ADAMTSL1: variants seen among roughly 807,000 people sequenced by gnomAD.
ADAMTSL1 encodes the protein ADAMTS like 1, also known as ADAMTS-like protein 1.
ADAMTSL1 carries 126 observed loss-of-function variants against 201.8 expected under a neutral mutation model. That is an observed-to-expected ratio of 0.62 (90% CI 0.54 to 0.72). The LOEUF (loss-of-function observed/expected upper bound fraction) is 0.72. Ranked by LOEUF, ADAMTSL1 falls within the 30% of genes least tolerant of loss-of-function variation. The pLI, the probability that ADAMTSL1 is intolerant of heterozygous loss-of-function variation, is 0.00. For missense variants in ADAMTSL1, 2,679 were observed against 2,277.8 expected, an observed-to-expected ratio of 1.18 and a Z score of -3.59; for synonymous variants, 1,121 against 903.4, an observed-to-expected ratio of 1.24 and a Z score of -4.32.
At chr9:18,388,258 T>C (rs1837886278) in intron 2 of ADAMTSL1, among the ~76,000 whole-genome samples, 2 of 152,042 alleles carry the variant, frequency 1.3e-5, no homozygotes, top group Admixed American at 6.6e-5. Flanking sequence ...TATCTATTTA[T>C]ACTTAATTTT....
chr9:17,998,665 T>G (rs1819485683), intron 1 of ADAMTSL1, among the ~76,000 whole-genome samples: 1 of 151,992 alleles, frequency 6.6e-6, no homozygotes, highest in Admixed American at 6.6e-5. Flanking sequence ...GAAGTAGTAA[T>G]GAGGGGGAAA....
At chr9:18,236,954 A>G (rs1168834198) in intron 2 of ADAMTSL1, among the ~76,000 whole-genome samples, 2 of 152,184 alleles carry the variant, frequency 1.3e-5, no homozygotes, top group Non-Finnish European at 2.9e-5. Flanking sequence ...AAATTTTCAT[A>G]TTTTATATCA....
At chr9:18,195,158 G>A (rs770937666) in intron 2 of ADAMTSL1, among the ~76,000 whole-genome samples, 116 of 152,208 alleles carry the variant, frequency 7.6e-4, no homozygotes, top group Middle Eastern at 3.4e-3. Flanking sequence ...GGAATGAGGG[G>A]TCACAGCCAC....
intron 2 of ADAMTSL1, among the ~76,000 whole-genome samples, chr9:18,201,235 G>C (rs925433273): frequency 1.1e-4 from 16 of 152,074 alleles, no homozygotes; most frequent in African/African-American, 3.6e-4. Context: ...CATTGACTTT[G>C]TTAAGGAAAT....
Position 18,265,420 on chromosome 9 carries a change from C to T in ADAMTSL1, c.207+101439C>T, listed in dbSNP as rs1832083074. 2.0e-5 allele frequency among the ~76,000 whole-genome samples: 3 copies of T among 152,130 alleles called. No homozygotes were observed. In the South Asian group the frequency reaches 6.2e-4, roughly 32 times the overall value. On this transcript the variant is annotated intron_variant, in intron 2 of 29. Transcript: ENST00000680146. Reference sequence around the variant, plus strand: ...TCTGCTCTTGAATACTTATTACTAGCCTGGTATTTATTATACTTAATAGAA... The same window carrying T: ...TCTGCTCTTGAATACTTATTACTAGTCTGGTATTTATTATACTTAATAGAA...
At chr9:18,867,080 A>G (rs367788984) in intron 23 of ADAMTSL1, among the ~76,000 whole-genome samples, 10 of 152,338 alleles carry the variant, frequency 6.6e-5, no homozygotes, top group Admixed American at 5.9e-4. Context: ...AAAAATCTCT[A>G]TTCCAAGAAA....
chr9:18,697,179 G>A (rs1212431706), intron 13 of ADAMTSL1, among the ~76,000 whole-genome samples: 1 of 152,018 alleles, frequency 6.6e-6, no homozygotes, highest in Non-Finnish European at 1.5e-5. Context: ...ACCGTGCCTG[G>A]CCAAAAATTT....
chr9:18,777,068 T>C lies in ADAMTSL1; in HGVS notation c.2839T>C (p.Cys947Arg). 1.2e-6 allele frequency: 2 copies of C among 1,613,318 alleles called. No individual in the cohort carries two copies. Among genetic ancestry groups the C allele is most frequent in the Non-Finnish European group, 1.7e-6 (2 of 1,179,774 alleles). Reference protein sequence around the residue: ...LKPSDAGVYTCSAGPAREHFV... With the variant: ...LKPSDAGVYTRSAGPAREHFV... Reference sequence around the variant, plus strand: ...GCCCTCGGATGCAGGCGTCTACACCTGCTCAGCGGGCCCGGCCCGGGAGCA... The same window carrying C: ...GCCCTCGGATGCAGGCGTCTACACCCGCTCAGCGGGCCCGGCCCGGGAGCA... Residue 947 changes from cysteine (C) to arginine (R), a missense_variant, in exon 19 of 29, where the codon TGC becomes CGC. Coordinates refer to ENST00000380548, the MANE Select transcript of ADAMTSL1 (RefSeq NM_001040272.6).
intron 2 of ADAMTSL1, among the ~76,000 whole-genome samples, chr9:18,356,012 C>G (rs890311813): frequency 1.3e-5 from 2 of 152,234 alleles, no homozygotes; most frequent in African/African-American, 2.4e-5. Context: ...TGGGCTGTGT[C>G]TGACTTGAGC....
Position 18,055,572 on chromosome 9 carries a change from T to C in ADAMTSL1, c.88-108290T>C, listed in dbSNP as rs117005775. Among the ~76,000 whole-genome samples, 805 of 152,372 alleles carry C rather than the reference T, an allele frequency of 5.3e-3. 4 individuals are homozygous for C. Among genetic ancestry groups the C allele is most frequent in the Non-Finnish European group, 6.8e-3 (466 of 68,038 alleles). On this transcript the variant is annotated intron_variant, in intron 1 of 29. Coordinates refer to the ADAMTSL1 transcript ENST00000680146. Reference sequence around the variant, plus strand: ...ACATAGACCAAAGTGATGTTTGCTTTTCTATGGTTCCCTTCTAAAATTCCA... The same window carrying C: ...ACATAGACCAAAGTGATGTTTGCTTCTCTATGGTTCCCTTCTAAAATTCCA...
At position 18,753,392 on chromosome 9, in the gene ADAMTSL1, A is replaced by T. The variant is rs1819570135; in HGVS notation, c.2101A>T (p.Met701Leu). ...CTGCAGCCACCTGCTTTCCAGAGAG[A>T]TGAATGAAACAGTCATCCTGGCTGA... ...VFCSHLLSRE[M>L]NETVILADEL... is the part of the protein sequence containing the mutation. Residue 701 changes from methionine to leucine, a missense_variant, in exon 16 of 29, where the codon ATG becomes TTG. Coordinates refer to ENST00000380548, the MANE Select transcript of ADAMTSL1 (RefSeq NM_001040272.6). The T allele has an allele frequency of 6.2e-7, 1 of 1,613,102 alleles. No homozygotes were observed. The highest frequency in any genetic ancestry group is 8.5e-7 in the Non-Finnish European group (1 of 1,179,618).
chr9:18,613,679 A>T (rs1399640702), intron 4 of ADAMTSL1, among the ~76,000 whole-genome samples: 2 of 152,152 alleles, frequency 1.3e-5, no homozygotes, highest in Non-Finnish European at 2.9e-5. Flanking sequence ...GGGGTAAATG[A>T]CAAGAACACA....
At chr9:17,975,664 C>T (rs1818418317) in intron 1 of ADAMTSL1, among the ~76,000 whole-genome samples, 1 of 152,088 alleles carries the variant, frequency 6.6e-6, no homozygotes, top group Non-Finnish European at 1.5e-5. Context: ...TTCTGAAGGT[C>T]TTCCACTCTG....
chr9:18,388,843 G>C (rs912577542), intron 2 of ADAMTSL1, among the ~76,000 whole-genome samples: 11 of 151,180 alleles, frequency 7.3e-5, no homozygotes, highest in Admixed American at 6.6e-4. Flanking sequence ...TGCAACCTCC[G>C]CCTCCCAGGT....
chr9:18,689,661 T>C (rs1232147857), intron 13 of ADAMTSL1, among the ~76,000 whole-genome samples: 1 of 152,240 alleles, frequency 6.6e-6, no homozygotes, highest in African/African-American at 2.4e-5. Context: ...CTTCCAGATA[T>C]ATTTCAGTTG....
Position 18,706,865 on chromosome 9 carries a change from G to T in ADAMTSL1, c.1693G>T (p.Asp565Tyr), listed in dbSNP as rs1410335811. Reference protein sequence around the residue: ...FSQSVADLPIDECEGPKPASQ... With the variant: ...FSQSVADLPIYECEGPKPASQ... Reference sequence around the variant, plus strand: ...TCAGTCCGTGGCTGACCTGCCTATTGACGAGTGTGAAGGGCCCAAGCCAGC... The same window carrying T: ...TCAGTCCGTGGCTGACCTGCCTATTTACGAGTGTGAAGGGCCCAAGCCAGC... Residue 565 changes from aspartate to tyrosine, a missense_variant, in exon 14 of 29, where the codon GAC becomes TAC. Transcript: ENST00000380548. The T allele has an allele frequency of 6.2e-7, 1 of 1,613,704 alleles. No individual in the cohort carries two copies. Among genetic ancestry groups the T allele is most frequent in the Admixed American group, 1.7e-5 (1 of 59,990 alleles).
chr9:18,688,689 A>AAAAAAG (rs1554730404), intron 13 of ADAMTSL1, among the ~76,000 whole-genome samples: 1 of 8,652 alleles, frequency 1.2e-4, no homozygotes, highest in Non-Finnish European at 2.2e-4. Flanking sequence ...AAAAAAAAAA[A>AAAAAAG]ATATATATAT....
At chr9:18,829,744 A>G (rs1824855274) in intron 22 of ADAMTSL1, 99 bp from the exon 23 acceptor site, 1 of 1,461,384 alleles carries the variant, frequency 6.8e-7, no homozygotes, top group Non-Finnish European at 9.4e-7. Context: ...TCTTACATAT[A>G]CGCATACATG....
chr9:18,045,401 C>T (rs1266631308), intron 1 of ADAMTSL1, among the ~76,000 whole-genome samples: 2 of 152,000 alleles, frequency 1.3e-5, no homozygotes, highest in Non-Finnish European at 2.9e-5. Context: ...AGTCTTAACA[C>T]AAAGAAAGTG....
Sources: gnomAD v4.1 joint callset for allele counts (sites outside exome capture counted in the v4.1 genomes callset) on GRCh38, gnomAD v4.1.1 for gene constraint, MANE v1.5 for transcripts, NCBI Gene and HGNC (gene_info 2026-07-23, HGNC 2026-07-21) for gene names.